The following FRMD4A variants were observed in gnomAD, a reference collection of about 807,000 sequenced individuals.
FRMD4A encodes FERM domain containing 4A.
A neutral mutation model predicts 129.1 loss-of-function variants in FRMD4A; 29 were observed. The ratio of observed to expected loss-of-function variants is 0.22; its 90% confidence interval spans 0.17 to 0.31. The LOEUF (loss-of-function observed/expected upper bound fraction) is 0.31, where lower values mean the gene tolerates loss of function less well. Among genes scored for constraint, FRMD4A ranks in the 10% least tolerant of loss-of-function variants. The pLI, the probability that FRMD4A is intolerant of heterozygous loss-of-function variation, is 1.00. For synonymous variants in FRMD4A, 634 were observed against 571.6 expected, an observed-to-expected ratio of 1.11 and a Z score of -1.56; for missense variants, 1,272 against 1,375.8, an observed-to-expected ratio of 0.92 and a Z score of 1.19.
At chr10:13,713,101 C>T (rs774683873) in intron 12 of FRMD4A, among the ~76,000 whole-genome samples, 4 of 152,186 alleles carry the variant, frequency 2.6e-5, no homozygotes, top group African/African-American at 4.8e-5. Context: ...TGGAGAACCT[C>T]GTCTTCCCCC....
intron 2 of FRMD4A, among the ~76,000 whole-genome samples, chr10:14,030,708 G>T (rs1038490663): frequency 2.6e-5 from 4 of 152,230 alleles, no homozygotes; most frequent in African/African-American, 4.8e-5. Context: ...GCCCCTGGCA[G>T]CCTGGCACTG....
intron 2 of FRMD4A, among the ~76,000 whole-genome samples, chr10:13,863,709 G>A (rs558731902): frequency 6.6e-6 from 1 of 151,882 alleles, no homozygotes; most frequent in Admixed American, 6.6e-5. Context: ...GCTTCTGGGT[G>A]GTTTACACCA....
intron 14 of FRMD4A, among the ~76,000 whole-genome samples, chr10:13,695,181 C>T (rs2086099286): frequency 6.6e-6 from 1 of 151,754 alleles, no homozygotes. Context: ...GTCTCAGTCA[C>T]CCAGGCTGGA....
At chr10:13,794,391 C>CAAAAAAAAAA (rs5783349) in intron 5 of FRMD4A, among the ~76,000 whole-genome samples, 9 of 102,914 alleles carry the variant, frequency 8.7e-5, no homozygotes, top group East Asian at 2.7e-4. Flanking sequence ...GAATCCGTCT[C>CAAAAAAAAAA]AAAAAAAAAA....
At chr10:14,049,583 T>C (rs1431535102) in intron 2 of FRMD4A, among the ~76,000 whole-genome samples, 2 of 152,226 alleles carry the variant, frequency 1.3e-5, no homozygotes, top group Non-Finnish European at 2.9e-5. Context: ...GCAGTTGGAT[T>C]TTATCCGTTT....
At chr10:13,859,214 G>A (rs2094258123) in intron 2 of FRMD4A, among the ~76,000 whole-genome samples, 3 of 151,968 alleles carry the variant, frequency 2.0e-5, no homozygotes, top group Admixed American at 6.6e-5. Flanking sequence ...GAGAAACCCC[G>A]TCTCTACTAA....
At chr10:13,721,478 C>T (rs1380857278) in intron 12 of FRMD4A, among the ~76,000 whole-genome samples, 1 of 145,142 alleles carries the variant, frequency 6.9e-6, no homozygotes, top group Non-Finnish European at 1.5e-5. Context: ...TGAAACTCTG[C>T]CTCAAAAAAA....
At position 13,645,729 on chromosome 10, in the gene FRMD4A, G is replaced by C. The variant is rs535784117; in HGVS notation, c.*1309C>G. The C allele has an allele frequency of 6.6e-6, 1 of 152,662 alleles. No individual in the cohort carries two copies. Among genetic ancestry groups the C allele is most frequent in the Non-Finnish European group, 1.5e-5 (1 of 68,032 alleles). 9.5% of individuals were successfully genotyped at this position (152,662 alleles called of 1,614,324 possible). A position where few individuals can be genotyped will look rare whatever the true frequency, so the allele number is the denominator to read the frequency against. On this transcript the variant is annotated 3_prime_UTR_variant, in exon 25 of 25. Transcript: ENST00000357447. ...TCAAATCTTTCTACCTAAGGGCATA[G>C]TTGGGTTCTTGGAATAAGTGACACA...
intron 6 of FRMD4A, among the ~76,000 whole-genome samples, chr10:13,781,368 CTTTTTTTTTTTTT>C (rs1161094661): frequency 1.4e-5 from 1 of 70,708 alleles, no homozygotes; most frequent in Admixed American, 1.8e-4. Flanking sequence ...ATGGATGAAC[CTTTTTTTTTTTTT>C]TTTTTTTTTT....
intron 6 of FRMD4A, among the ~76,000 whole-genome samples, chr10:13,774,245 T>C (rs1236873624): frequency 1.3e-5 from 2 of 152,060 alleles, no homozygotes; most frequent in African/African-American, 4.8e-5. Context: ...CTCTATTGTA[T>C]AAAGTAGGGG....
intron 6 of FRMD4A, among the ~76,000 whole-genome samples, chr10:13,766,996 C>T (rs759570035): frequency 1.3e-5 from 2 of 152,062 alleles, no homozygotes; most frequent in South Asian, 2.1e-4. Context: ...TCGCTTGAAC[C>T]CTGGAGATGG....
intron 2 of FRMD4A, chr10:14,008,076 C>T (rs1357249470): frequency 7.7e-7 from 1 of 1,303,336 alleles, no homozygotes; most frequent in Non-Finnish European, 1.0e-6. Flanking sequence ...AACGCTGCGC[C>T]TTCTCAGAGA....
At chr10:13,926,648 C>T (rs999557019) in intron 2 of FRMD4A, among the ~76,000 whole-genome samples, 1 of 152,188 alleles carries the variant, frequency 6.6e-6, no homozygotes, top group African/African-American at 2.4e-5. Flanking sequence ...TGTAGTAAGA[C>T]AGGACATTTG....
At chr10:13,689,302 TAC>T (rs963551908) in intron 15 of FRMD4A, among the ~76,000 whole-genome samples, 22 of 147,892 alleles carry the variant, frequency 1.5e-4, no homozygotes, top group Non-Finnish European at 2.7e-4. Flanking sequence ...ACAGAAATCT[TAC>T]AGTGTTGTGA....
chr10:14,123,359 C>T (rs1243888428), intron 2 of FRMD4A, among the ~76,000 whole-genome samples: 4 of 152,326 alleles, frequency 2.6e-5, no homozygotes, highest in Non-Finnish European at 5.9e-5. Context: ...ATGCCAGCAT[C>T]TTTGGGTTTC....
rs2094254915 is a variant in FRMD4A, at chr10:13,859,044, T to C, written c.46-132A>G. The C allele has an allele frequency of 4.3e-6, 3 of 690,002 alleles. No homozygotes were observed. In the Admixed American group the frequency reaches 6.4e-5, roughly 15 times the overall value. The allele number at this position is 690,002 out of a possible 1,614,324, so 42.7% of individuals were successfully genotyped here. On this transcript the variant is annotated intron_variant, in intron 2 of 24. Transcript: ENST00000357447. ...TCCTCTGGGAGTCGGCACTGTATAA[T>C]GCCAGGAGTTGGAAGGATCAGTTCA...
At position 13,776,230 on chromosome 10, in the gene FRMD4A, C is replaced by T. The variant is rs559624754; in HGVS notation, c.384+6692G>A. ...GGCTCAGGCAATCCTCCCACCTCAG[C>T]CTCCAGAGAAGCTGGGACTGCAGGC... On this transcript the variant is annotated intron_variant, in intron 6 of 24. Transcript: ENST00000357447. Among the ~76,000 whole-genome samples, 5 of 152,306 alleles carry T rather than the reference C, an allele frequency of 3.3e-5. No homozygotes were observed. In the South Asian group the frequency reaches 8.3e-4, roughly 25 times the overall value.
rs189778499 is a variant in FRMD4A, at chr10:13,673,019, T to A, written c.1251+1892A>T. On this transcript the variant is annotated intron_variant, in intron 16 of 24. Coordinates refer to ENST00000357447, the MANE Select transcript of FRMD4A (RefSeq NM_018027.5). ...TTTGTTTTTAAGAGCGATGGTGAGATTTTTTTATAATGCATGCTCATCTTG... is the reference window on the plus strand; with the variant it reads ...TTTGTTTTTAAGAGCGATGGTGAGAATTTTTTATAATGCATGCTCATCTTG... Among the ~76,000 whole-genome samples the A allele has an allele frequency of 2.6e-5, 4 of 152,274 alleles. No individual in the cohort carries two copies. In the South Asian group the frequency reaches 6.2e-4, roughly 24 times the overall value.
chr10:14,182,196 A>G (rs1373450704), intron 2 of FRMD4A, among the ~76,000 whole-genome samples: 2 of 152,168 alleles, frequency 1.3e-5, no homozygotes, highest in African/African-American at 4.8e-5. Context: ...ATGGGAGTTG[A>G]CACAGTTTCT....
Sources: gnomAD v4.1 joint callset for allele counts (sites outside exome capture counted in the v4.1 genomes callset) on GRCh38, gnomAD v4.1.1 for gene constraint, MANE v1.5 for transcripts, NCBI Gene and HGNC (gene_info 2026-07-23, HGNC 2026-07-21) for gene names.